TRPM6: variants seen among roughly 807,000 people sequenced by gnomAD.
TRPM6 encodes the protein channel kinase 2.
Under a neutral mutation model 247.6 loss-of-function variants are expected in TRPM6, and 111 were observed. The ratio of observed to expected loss-of-function variants is 0.45; its 90% CI spans 0.38 to 0.52. The LOEUF (loss-of-function observed/expected upper bound fraction) is 0.52, where lower values mean the gene tolerates loss of function less well. TRPM6 is among the 20% of genes least tolerant of loss of function. TRPM6 has a pLI of 0.00. For missense variants in TRPM6, 2,126 were observed against 2,421.5 expected (o/e 0.88, Z 2.56); for synonymous variants, 892 against 853.8 (o/e 1.04, Z -0.78).
chr9:74,831,276 G>A (rs1829537665), intron 6 of TRPM6, among the ~76,000 whole-genome samples: 1 of 152,070 alleles, frequency 6.6e-6, no homozygotes, highest in South Asian at 2.1e-4. Flanking sequence ...TGGATCACAA[G>A]GTCATGAATT....
intron 15 of TRPM6, among the ~76,000 whole-genome samples, chr9:74,803,009 C>T (rs988858702): frequency 6.6e-6 from 1 of 152,078 alleles, no homozygotes; most frequent in Non-Finnish European, 1.5e-5. Flanking sequence ...CAGTATAATG[C>T]CTGGCAAATA....
intron 38 of TRPM6, among the ~76,000 whole-genome samples, chr9:74,726,701 T>A (rs1587442749): frequency 6.6e-6 from 1 of 152,068 alleles, no homozygotes; most frequent in African/African-American, 2.4e-5. Flanking sequence ...CCTTCCAGGG[T>A]AGGAATGAAT....
intron 36 of TRPM6, chr9:74,737,283 G>A: frequency 2.1e-6 from 2 of 953,518 alleles, no homozygotes; most frequent in Admixed American, 2.9e-5. Context: ...GCACTTATAT[G>A]TAGTTTAAAA....
chr9:74,802,637 T>C (rs1236855192), intron 15 of TRPM6, among the ~76,000 whole-genome samples: 3 of 152,230 alleles, frequency 2.0e-5, no homozygotes, highest in South Asian at 4.1e-4. Context: ...GGGAGTGATG[T>C]ATTTTTAAAA....
chr9:74,886,438 C>A (rs151131160), intron 1 of TRPM6, among the ~76,000 whole-genome samples: 169 of 152,250 alleles, frequency 1.1e-3, no homozygotes, highest in African/African-American at 3.9e-3. Context: ...TAAAGGTGAT[C>A]ATTTCTCCCT....
chr9:74,826,252 G>A (rs1829326327), intron 7 of TRPM6, among the ~76,000 whole-genome samples: 2 of 152,240 alleles, frequency 1.3e-5, no homozygotes, highest in African/African-American at 4.8e-5. Context: ...ACAGTTGACA[G>A]ATGTTAATGC....
intron 21 of TRPM6, among the ~76,000 whole-genome samples, 156 bp downstream of exon 21, chr9:74,785,718 T>A (rs1827631203): frequency 6.6e-6 from 1 of 150,790 alleles, no homozygotes; most frequent in African/African-American, 2.5e-5. Context: ...AGAGACGGGG[T>A]TTCACCCTGT....
chr9:74,887,553 G>T, intron 1 of TRPM6: 1 of 1,421,888 alleles, frequency 7.0e-7, no homozygotes, highest in South Asian at 1.2e-5. Context: ...TTTCCGCTCT[G>T]ACACCACCTC....
In TRPM6 at chr9:74,752,317, C is replaced by T. The variant is rs1255331712; in HGVS notation, c.4958G>A (p.Cys1653Tyr). 6.2e-7 allele frequency: 1 copy of T among 1,602,604 alleles called. No individual in the cohort carries two copies. The highest frequency in any genetic ancestry group is 8.5e-7 in the Non-Finnish European group (1 of 1,172,414). Residue 1653 changes from cysteine (C) to tyrosine (Y), a missense_variant, in exon 29 of 39, where the codon TGT becomes TAT. Physicochemically the swap from Cys to Tyr is radical, Grantham distance 194. Around this residue, in one of 3 missense-constraint regions of TRPM6, gnomAD observed 717 missense variants for 715.9 expected, o/e 1.00. Transcript: ENST00000360774. ...QKMKTKEIGQ[C>Y]AIQISDYLKQ... The stretch of plus-strand genomic sequence containing the variant: ...TAGGTAATCACTGATTTGTATAGCA[C>T]ATTGTCCAATTTCTTTAGTTTTCAT...
At chr9:74,871,854 C>CT (rs796954772) in intron 1 of TRPM6, among the ~76,000 whole-genome samples, 3,829 of 140,592 alleles carry the variant, frequency 0.027, 144 homozygotes, top group African/African-American at 0.08. Context: ...TCAGTAGTAA[C>CT]TTTTTTTTTT....
Position 74,739,391 on chromosome 9 carries a change from G to C in TRPM6, c.5546C>G (p.Pro1849Arg). The change falls in exon 35 of 39, where the codon CCA becomes CGA. Residue 1849 changes from proline (P) to arginine (R), a missense_variant. Physicochemically the swap from Pro to Arg is moderately radical, Grantham distance 103 (BLOSUM62 -2). Coordinates refer to ENST00000360774, the MANE Select transcript of TRPM6 (RefSeq NM_017662.5). ...KLIYTFNQVK[P>R]QTIPYTPRFL... is the part of the protein sequence containing the mutation. ...CCTTGGTGTGTAGGGTATGGTTTGT[G>C]GTTTCACTTGGTTGAAGGTATAGAT... 1 of 1,614,092 alleles carries C rather than the reference G, an allele frequency of 6.2e-7. No individual in the cohort carries two copies. The highest frequency in any genetic ancestry group is 8.5e-7 in the Non-Finnish European group (1 of 1,180,006).
intron 19 of TRPM6, 127 bp downstream of exon 19, chr9:74,792,497 G>A: frequency 1.0e-6 from 1 of 1,004,656 alleles, no homozygotes; most frequent in South Asian, 1.3e-5. Flanking sequence ...ACTTTGTCAT[G>A]CCCTCACTTT....
chr9:74,790,777 A>G (rs1402367966), intron 19 of TRPM6, among the ~76,000 whole-genome samples: 1 of 152,204 alleles, frequency 6.6e-6, no homozygotes, highest in African/African-American at 2.4e-5. Context: ...TAAGCAAAAG[A>G]CTACAAACAT....
intron 37 of TRPM6, among the ~76,000 whole-genome samples, chr9:74,730,413 G>A (rs1825483063): frequency 6.6e-6 from 1 of 152,140 alleles, no homozygotes; most frequent in African/African-American, 2.4e-5. Context: ...TTTGGTAGAG[G>A]GTTATCCTTT....
chr9:74,860,848 T>A (rs1277589797), intron 1 of TRPM6, among the ~76,000 whole-genome samples: 1 of 152,012 alleles, frequency 6.6e-6, no homozygotes, highest in Non-Finnish European at 1.5e-5. Context: ...TGAAACCCTG[T>A]CTCTACAAAA....
chr9:74,854,678 A>G (rs940243147), intron 3 of TRPM6, among the ~76,000 whole-genome samples: 1 of 151,854 alleles, frequency 6.6e-6, no homozygotes, highest in African/African-American at 2.4e-5. Context: ...TTTATTTTTT[A>G]TTTGAGACAG....
intron 8 of TRPM6, 75 bp from the exon 9 acceptor site, chr9:74,820,502 C>T: frequency 1.9e-6 from 3 of 1,559,474 alleles, no homozygotes; most frequent in African/African-American, 2.7e-5. Flanking sequence ...AAGAAAACAC[C>T]CCATCAGCTC....
At position 74,746,303 on chromosome 9, in the gene TRPM6, A is replaced by G. The variant is rs948653880; in HGVS notation, c.5083+1586T>C. Among the ~76,000 whole-genome samples, 18 of 152,200 alleles carry G rather than the reference A, an allele frequency of 1.2e-4. No individual in the cohort carries two copies. The East Asian group carries it at 1.3e-3, about 11-fold the overall frequency. On this transcript the variant is annotated intron_variant, in intron 31 of 38. Transcript: ENST00000360774. ...ATTATCAGAGTCTTGATATATTTTG[A>G]AAGATTTACTGATAGATGGGATGTA...
intron 23 of TRPM6, among the ~76,000 whole-genome samples, chr9:74,779,836 G>A (rs1827355845): frequency 6.6e-6 from 1 of 152,204 alleles, no homozygotes; most frequent in Non-Finnish European, 1.5e-5. Flanking sequence ...GGCCAATGTG[G>A]TTGGAGAGGA....
Sources: gnomAD v4.1 joint callset for allele counts (sites outside exome capture counted in the v4.1 genomes callset) on GRCh38, gnomAD v4.1.1 for gene constraint, gnomAD v4.1.1 regional missense constraint, MANE v1.5 for transcripts, NCBI Gene and HGNC (gene_info 2026-07-23, HGNC 2026-07-21) for gene names.